Variants in MKNK1 observed in about 807,000 individuals in gnomAD.
MKNK1 encodes MAPK interacting serine/threonine kinase 1.
Under a neutral mutation model 49.3 loss-of-function variants are expected in MKNK1, and 30 were observed. The observed-to-expected ratio is 0.61, with a 90% CI of 0.46 to 0.83. MKNK1 has a LOEUF of 0.83. MKNK1 is among the 40% of genes least tolerant of loss of function. The pLI, the probability that MKNK1 is intolerant of heterozygous loss-of-function variation, is 0.00. For missense variants in MKNK1, 423 were observed against 524.7 expected (o/e 0.81, Z 1.89); for synonymous variants, 176 against 201.7 (o/e 0.87, Z 1.08).
intron 7 of MKNK1, among the ~76,000 whole-genome samples, chr1:46,571,096 G>A (rs1439564392): frequency 6.6e-6 from 1 of 152,210 alleles, no homozygotes; most frequent in Non-Finnish European, 1.5e-5. Flanking sequence ...TTATGGAAAT[G>A]TAAAAACAAT....
intron 1 of MKNK1, among the ~76,000 whole-genome samples, chr1:46,602,639 T>C (rs1250056908): frequency 2.0e-5 from 3 of 150,984 alleles, no homozygotes; most frequent in Non-Finnish European, 4.4e-5. Context: ...AACACTGAGA[T>C]TTTTTTGCAA....
chr1:46,584,973 A>G (rs1224399389), intron 2 of MKNK1, among the ~76,000 whole-genome samples: 1 of 152,140 alleles, frequency 6.6e-6, no homozygotes, highest in Admixed American at 6.5e-5. Flanking sequence ...ACATCTGGCT[A>G]GGCACCATGG....
At chr1:46,596,158 G>A (rs1050497761) in intron 1 of MKNK1, among the ~76,000 whole-genome samples, 6 of 152,162 alleles carry the variant, frequency 3.9e-5, no homozygotes, top group African/African-American at 1.4e-4. Context: ...GTGCCAGATG[G>A]TAAATATTTT....
intron 6 of MKNK1, chr1:46,572,408 T>TG (rs1258237886): frequency 3.0e-6 from 1 of 328,368 alleles, no homozygotes; most frequent in African/African-American, 2.1e-5. Context: ...TTAGTAGAGA[T>TG]GGGGTTTCAC....
intron 11 of MKNK1, 135 bp from the exon 12 acceptor site, chr1:46,560,412 G>T: frequency 2.2e-6 from 2 of 913,180 alleles, no homozygotes; most frequent in South Asian, 2.9e-5. Flanking sequence ...TTGCTTGCAG[G>T]GTCAGGCCTT....
At chr1:46,565,913 T>G (rs892219462) in intron 8 of MKNK1, among the ~76,000 whole-genome samples, 5 of 152,164 alleles carry the variant, frequency 3.3e-5, no homozygotes, top group African/African-American at 1.2e-4. Context: ...CCTTCCTTCC[T>G]CCCTCCCCTT....
intron 2 of MKNK1, 62 bp from the exon 3 acceptor site, chr1:46,583,391 C>CAGA: frequency 7.5e-7 from 1 of 1,326,558 alleles, no homozygotes; most frequent in Non-Finnish European, 1.1e-6. Context: ...TAAATTTACC[C>CAGA]AGAAGGAAAA....
intron 2 of MKNK1, chr1:46,584,943 C>T (rs1672294214): frequency 6.6e-6 from 1 of 152,100 alleles, no homozygotes; most frequent in African/African-American, 2.4e-5. Context: ...CTGCAACACC[C>T]TATGAATTGA....
chr1:46,591,160 T>C (rs1357350785), intron 2 of MKNK1, among the ~76,000 whole-genome samples: 1 of 152,090 alleles, frequency 6.6e-6, no homozygotes, highest in African/African-American at 2.4e-5. Flanking sequence ...ATTTAACACA[T>C]GATGGATGAA....
chr1:46,577,568 AG>A (rs1309494007), intron 4 of MKNK1, among the ~76,000 whole-genome samples: 1 of 152,200 alleles, frequency 6.6e-6, no homozygotes, highest in African/African-American at 2.4e-5. Flanking sequence ...AAAGATAGGG[AG>A]GTATGAAACA....
chr1:46,603,906 G>C (rs1675061618), intron 1 of MKNK1, among the ~76,000 whole-genome samples: 1 of 152,152 alleles, frequency 6.6e-6, no homozygotes, highest in Non-Finnish European at 1.5e-5. Flanking sequence ...CCCAGCCATA[G>C]CCTCGGTCCT....
chr1:46,564,927 A>G, intron 9 of MKNK1, 114 bp downstream of exon 9: 1 of 990,938 alleles, frequency 1.0e-6, no homozygotes. Context: ...TCACTCAGGC[A>G]GCAGGAAGAT....
rs1003967113 is a variant in MKNK1 at position 46,560,295 on chromosome 1, G to A, written c.970-18C>T. 3.1e-6 allele frequency: 5 copies of A among 1,613,966 alleles called. No homozygotes were observed. Among genetic ancestry groups the A allele is most frequent in the Non-Finnish European group, 4.2e-6 (5 of 1,179,836 alleles). ...GGAGCTTGCTAGAATGGGAAGGACAGATGTGTAGGTAAAGCACTGCTCCCT... is the reference window on the plus strand; with the variant it reads ...GGAGCTTGCTAGAATGGGAAGGACAAATGTGTAGGTAAAGCACTGCTCCCT... On this transcript the variant is annotated intron_variant, in intron 11 of 12. Transcript: ENST00000371945.
chr1:46,567,954 T>C (rs999315570), intron 8 of MKNK1, among the ~76,000 whole-genome samples: 27 of 152,062 alleles, frequency 1.8e-4, no homozygotes, highest in African/African-American at 6.3e-4. Flanking sequence ...AACCCCTGTC[T>C]CTACTAAAAA....
At position 46,578,278 on chromosome 1, in the gene MKNK1, G is replaced by T. The variant is rs145326272; in HGVS notation, c.199-1624C>A. Among the ~76,000 whole-genome samples, 349 of 152,262 alleles carry T rather than the reference G, an allele frequency of 2.3e-3. 3 individuals are homozygous for T. Among genetic ancestry groups the T allele is most frequent in the African/African-American group, 8.0e-3 (334 of 41,546 alleles). ...AACCTTGAGAGTCTAGGATCAGCTG[G>T]GTGCCTATAGGAAAAGCTGTAATAA... On this transcript the variant is annotated intron_variant, in intron 4 of 12. Transcript: ENST00000371945.
intron 2 of MKNK1, among the ~76,000 whole-genome samples, chr1:46,586,953 A>G (rs1672662423): frequency 6.6e-6 from 1 of 152,178 alleles, no homozygotes; most frequent in Admixed American, 6.5e-5. Flanking sequence ...GACTACAGGC[A>G]CATGCCACCA....
chr1:46,582,545 A>T (rs574691773), intron 3 of MKNK1, among the ~76,000 whole-genome samples: 133 of 152,360 alleles, frequency 8.7e-4, no homozygotes, highest in African/African-American at 3.0e-3. Flanking sequence ...CCTCACAACG[A>T]AAGAAAACAA....
intron 2 of MKNK1, among the ~76,000 whole-genome samples, chr1:46,592,956 G>A (rs141823829): frequency 4.0e-4 from 61 of 152,092 alleles, no homozygotes; most frequent in African/African-American, 1.5e-3. Flanking sequence ...GAAAGACAAT[G>A]GCACCACCGG....
chr1:46,566,257 CCTGTT>C (rs1417906066), intron 8 of MKNK1, among the ~76,000 whole-genome samples: 1 of 152,200 alleles, frequency 6.6e-6, no homozygotes, highest in African/African-American at 2.4e-5. Flanking sequence ...CAATATTTGT[CCTGTT>C]ATGTTTGGCT....
Sources: gnomAD v4.1 joint callset for allele counts (sites outside exome capture counted in the v4.1 genomes callset) on GRCh38, gnomAD v4.1.1 for gene constraint, MANE v1.5 for transcripts, NCBI Gene and HGNC (gene_info 2026-07-23, HGNC 2026-07-21) for gene names.